GABRP: variants seen among roughly 807,000 people sequenced by gnomAD.
The protein encoded by GABRP is gamma-aminobutyric acid receptor subunit pi.
Under a neutral mutation model 47.8 loss-of-function variants are expected in GABRP, and 52 were observed. The ratio of observed to expected loss-of-function variants is 1.09; its 90% CI spans 0.87 to 1.37. The LOEUF (loss-of-function observed/expected upper bound fraction) is 1.37, where lower values mean the gene tolerates loss of function less well. GABRP is among the 40% of genes most tolerant of loss of function. The pLI is 0.00. For synonymous variants in GABRP, 221 were observed against 205.8 expected (o/e 1.07, Z -0.63); for missense variants, 525 against 542.8 (o/e 0.97, Z 0.33).
intron 6 of GABRP, among the ~76,000 whole-genome samples, chr5:170,805,274 A>C (rs563751249): frequency 6.6e-6 from 1 of 152,242 alleles, no homozygotes; most frequent in East Asian, 1.9e-4. Context: ...TTAATAAAGC[A>C]GGTTTTTTGT....
chr5:170,810,078 G>T, intron 9 of GABRP: 1 of 635,208 alleles, frequency 1.6e-6, no homozygotes. Context: ...TCAGCTGCTT[G>T]CAAGTTTTAT....
At chr5:170,809,803 G>A in intron 9 of GABRP, 48 bp downstream of exon 9, 1 of 1,538,012 alleles carries the variant, frequency 6.5e-7, no homozygotes, top group South Asian at 1.3e-5. Context: ...GGTGCCGTGT[G>A]CTGATCTGTA....
intron 1 of GABRP, among the ~76,000 whole-genome samples, chr5:170,784,271 A>C (rs1024886080): frequency 2.0e-5 from 3 of 152,180 alleles, no homozygotes; most frequent in East Asian, 1.9e-4. Context: ...CTGTGCCTGC[A>C]TAGGAAGGAA....
chr5:170,811,966 AG>A lies in GABRP; in HGVS notation c.1033del (p.Glu345LysfsTer2), dbSNP rs1360278081. 9 of 1,613,306 alleles carry A rather than the reference AG, an allele frequency of 5.6e-6. No individual in the cohort carries two copies. Among genetic ancestry groups the A allele is most frequent in the Non-Finnish European group, 7.6e-6 (9 of 1,179,442 alleles). ...QMAAKDRGTTKEVEEVSITNI... is the reference protein window; with the variant it reads ...QMAAKDRGTTXEVEEVSITNI... ...TTGTCTATGAACTAGGGGACAACAA[AG>A]GAAGTAGAAGAAGTCAGTATTACTA... On this transcript the variant is annotated frameshift_variant, in exon 10 of 10. Transcript: ENST00000265294. LOFTEE classifies it high-confidence loss of function.
chr5:170,796,095 A>G (rs970646263), intron 5 of GABRP, among the ~76,000 whole-genome samples: 1 of 152,204 alleles, frequency 6.6e-6, no homozygotes, highest in African/African-American at 2.4e-5. Flanking sequence ...GACTGTGCAA[A>G]CCTAAAGCTC....
chr5:170,812,319 G>A lies in GABRP; in HGVS notation c.*61G>A. The stretch of plus-strand genomic sequence containing the variant: ...AACAGGACAAGATAATGATGTAAAT[G>A]GTATTTTAGGCCAAGTGTGCACCCA... On this transcript the variant is annotated 3_prime_UTR_variant, in exon 10 of 10. Coordinates refer to ENST00000265294, the MANE Select transcript of GABRP (RefSeq NM_014211.3). 7.3e-7 allele frequency: 1 copy of A among 1,362,568 alleles called. No individual in the cohort carries two copies. The highest frequency in any genetic ancestry group is 1.0e-6 in the Non-Finnish European group (1 of 979,628). 84.4% of individuals were successfully genotyped at this position (1,362,568 alleles called of 1,614,324 possible).
At chr5:170,799,964 C>T (rs1765544458) in intron 6 of GABRP, among the ~76,000 whole-genome samples, 1 of 152,128 alleles carries the variant, frequency 6.6e-6, no homozygotes, top group African/African-American at 2.4e-5. Context: ...CTACCAATGA[C>T]TTTCTTCACA....
intron 5 of GABRP, 96 bp downstream of exon 5, chr5:170,795,521 C>A: frequency 1.1e-6 from 1 of 930,044 alleles, no homozygotes; most frequent in Non-Finnish European, 1.7e-6. Flanking sequence ...CTCAAATAGC[C>A]ACTGTGAGGT....
chr5:170,803,234 G>A (rs1765641629), intron 6 of GABRP, among the ~76,000 whole-genome samples: 1 of 152,194 alleles, frequency 6.6e-6, no homozygotes, highest in Admixed American at 6.5e-5. Context: ...ACCCTTGCTA[G>A]ACAATGGATA....
At chr5:170,795,593 C>T (rs917834801) in intron 5 of GABRP, among the ~76,000 whole-genome samples, 168 bp downstream of exon 5, 1 of 152,152 alleles carries the variant, frequency 6.6e-6, no homozygotes, top group East Asian at 1.9e-4. Flanking sequence ...TCATCATCTA[C>T]CAAATGCCTG....
intron 3 of GABRP, among the ~76,000 whole-genome samples, chr5:170,793,687 T>C (rs114116972): frequency 1.3e-3 from 204 of 152,282 alleles, no homozygotes; most frequent in African/African-American, 4.9e-3. Flanking sequence ...ACAAATGCCA[T>C]AGGAAAAACC....
intron 6 of GABRP, among the ~76,000 whole-genome samples, chr5:170,802,063 T>C (rs1175798682): frequency 6.6e-6 from 1 of 152,214 alleles, no homozygotes; most frequent in African/African-American, 2.4e-5. Context: ...TAAAAAAAAT[T>C]GCTTGATAGA....
chr5:170,798,124 C>T (rs1434353944), intron 6 of GABRP, among the ~76,000 whole-genome samples: 1 of 152,268 alleles, frequency 6.6e-6, no homozygotes, highest in Non-Finnish European at 1.5e-5. Context: ...TCACTGCAAG[C>T]TCTGCCTCCC....
At chr5:170,787,999 T>G (rs967355410) in intron 1 of GABRP, among the ~76,000 whole-genome samples, 2 of 152,234 alleles carry the variant, frequency 1.3e-5, no homozygotes, top group Non-Finnish European at 2.9e-5. Flanking sequence ...GCTGCATTTC[T>G]GGTGCTGATG....
chr5:170,799,141 T>C (rs933591390), intron 6 of GABRP, among the ~76,000 whole-genome samples: 2 of 152,360 alleles, frequency 1.3e-5, no homozygotes, highest in African/African-American at 4.8e-5. Flanking sequence ...TAGTATTCCA[T>C]GGTGTGTATG....
At chr5:170,805,948 C>T in intron 7 of GABRP, 95 bp downstream of exon 7, 1 of 1,376,524 alleles carries the variant, frequency 7.3e-7, no homozygotes, top group Non-Finnish European at 1.0e-6. Context: ...CACTTTACCT[C>T]CTTGGGATGC....
chr5:170,812,472 T>A lies in GABRP; in HGVS notation c.*214T>A. The A allele has an allele frequency of 1.9e-6, 1 of 529,198 alleles. No individual in the cohort carries two copies. The highest frequency in any genetic ancestry group is 3.4e-6 in the Non-Finnish European group (1 of 296,996). 32.8% of individuals were successfully genotyped at this position (529,198 alleles called of 1,614,324 possible). A position where few individuals can be genotyped will look rare whatever the true frequency, so the allele number is the denominator to read the frequency against. On this transcript the variant is annotated 3_prime_UTR_variant, in exon 10 of 10. Transcript: ENST00000265294. ...TAGGATCTTGTAATAGAAACATCAG[T>A]CCATTCCTCTTTCATCTTAATCAAG...
chr5:170,794,181 A>G (rs6884917), intron 3 of GABRP, 50 bp from the exon 4 acceptor site: 571,308 of 1,306,638 alleles, frequency 0.44, 131,210 homozygotes, highest in African/African-American at 0.81. Flanking sequence ...TATAGTATTA[A>G]GACAGCTCAT....
At chr5:170,787,766 G>A (rs948647909) in intron 1 of GABRP, among the ~76,000 whole-genome samples, 1 of 152,136 alleles carries the variant, frequency 6.6e-6, no homozygotes, top group African/African-American at 2.4e-5. Context: ...GAGCTCTGTG[G>A]GACAGCACCT....
Sources: allele counts gnomAD v4.1 joint callset (sites outside exome capture counted in the v4.1 genomes callset), GRCh38; gene constraint gnomAD v4.1.1; transcripts MANE v1.5; gene names NCBI Gene and HGNC (gene_info 2026-07-23, HGNC 2026-07-21).